Variants in ZFHX4 observed in about 807,000 individuals in gnomAD.
The protein encoded by ZFHX4 is zinc finger homeobox protein 4.
Under a neutral mutation model 267.6 loss-of-function variants are expected in ZFHX4, and 56 were observed. The ratio of observed to expected loss-of-function variants is 0.21; its 90% CI spans 0.17 to 0.26. ZFHX4 has a LOEUF of 0.26. Ranked by LOEUF, ZFHX4 falls within the 10% of genes least tolerant of loss-of-function variation. ZFHX4 has a pLI of 1.00. For missense variants in ZFHX4, 4,332 were observed against 4,420.0 expected (o/e 0.98, Z 0.56); for synonymous variants, 1,778 against 1,665.6 (o/e 1.07, Z -1.64).
Position 76,853,084 on chromosome 8 carries a change from C to T in ZFHX4, c.6163C>T (p.Pro2055Ser), listed in dbSNP as rs780240160. Residue 2055 changes from proline to serine, a missense_variant, in exon 10 of 11, where the codon CCC becomes TCC. Transcript: ENST00000651372. The stretch of plus-strand genomic sequence containing the variant: ...ACCACCTCCTCCTCCTCCTCCTCCT[C>T]CCCCCCCACCTCCTCCACCTTCTGC... ...PPPPPPPPPP[P>S]PPPPPPSAPP... 2.0e-6 allele frequency: 2 copies of T among 1,022,806 alleles called. No homozygotes were observed. The highest frequency in any genetic ancestry group is 2.3e-4 in the Middle Eastern group (1 of 4,340). 63.4% of individuals were successfully genotyped at this position (1,022,806 alleles called of 1,614,324 possible). A position where few individuals can be genotyped will look rare whatever the true frequency, so the allele number is the denominator to read the frequency against.
intron 3 of ZFHX4, among the ~76,000 whole-genome samples, chr8:76,728,318 G>A (rs1031205036): frequency 6.6e-6 from 1 of 152,114 alleles, no homozygotes; most frequent in Non-Finnish European, 1.5e-5. Flanking sequence ...GTAGGCCCTC[G>A]ATATTCTAGG....
At chr8:76,712,171 C>T (rs1184251643) in intron 3 of ZFHX4, among the ~76,000 whole-genome samples, 1 of 152,174 alleles carries the variant, frequency 6.6e-6, no homozygotes, top group East Asian at 1.9e-4. Context: ...CAAAGGAACA[C>T]ACTTGGGATT....
Position 76,855,203 on chromosome 8 carries a change from A to C in ZFHX4, c.8282A>C (p.Glu2761Ala), listed in dbSNP as rs1056018185. 4 of 1,612,970 alleles carry C rather than the reference A, an allele frequency of 2.5e-6. No individual in the cohort carries two copies. Among genetic ancestry groups the C allele is most frequent in the Non-Finnish European group, 3.4e-6 (4 of 1,179,534 alleles). ...TVSTPVSKTA[E>A]LSPKNLLSPS... ...TCAACACCTGTTAGTAAAACAGCAG[A>C]GCTGTCACCGAAGAATCTTTTAAGC... The change falls in exon 10 of 11, where the codon GAG becomes GCG. Residue 2761 changes from glutamate to alanine, a missense_variant. Glu to Ala is a moderately radical substitution (Grantham distance 107). Around this residue, in one of 7 missense-constraint regions of ZFHX4, gnomAD observed 1,648 missense variants for 1,625.0 expected, o/e 1.01. Transcript: ENST00000651372.
In ZFHX4 at chr8:76,706,154, G is replaced by A; in HGVS notation, c.2066G>A (p.Gly689Asp). 2 of 1,614,094 alleles carry A rather than the reference G, an allele frequency of 1.2e-6. No individual in the cohort carries two copies. The highest frequency in any genetic ancestry group is 1.7e-6 in the Non-Finnish European group (2 of 1,180,014). The change falls in exon 2 of 11, where the codon GGT becomes GAT. Residue 689 changes from glycine (G) to aspartate (D), a missense_variant. This residue lies in a region of ZFHX4 where 1,195 missense variants were observed against 1,173.6 expected (regional missense o/e 1.02). Coordinates refer to ENST00000651372, the MANE Select transcript of ZFHX4 (RefSeq NM_024721.5). The part of the protein sequence containing the change: ...TGQPHPRLAR[G>D]ESYTCGYKPF... ...CAGCCTCACCCCAGGCTTGCCCGGG[G>A]TGAGAGTTACACGTGTGGCTATAAA...
At chr8:76,802,024 G>T (rs1414127875) in intron 4 of ZFHX4, among the ~76,000 whole-genome samples, 1 of 152,142 alleles carries the variant, frequency 6.6e-6, no homozygotes, top group African/African-American at 2.4e-5. Flanking sequence ...GTATGAAAGC[G>T]TAATAGGCAT....
intron 4 of ZFHX4, among the ~76,000 whole-genome samples, chr8:76,806,779 G>T (rs1050232619): frequency 2.6e-4 from 39 of 152,090 alleles, no homozygotes; most frequent in Admixed American, 2.3e-3. Context: ...AAATGTTTTT[G>T]ATTTTTTTTG....
intron 3 of ZFHX4, among the ~76,000 whole-genome samples, chr8:76,744,307 C>T (rs1419736192): frequency 6.6e-6 from 1 of 152,122 alleles, no homozygotes; most frequent in Non-Finnish European, 1.5e-5. Flanking sequence ...GATCATGCCA[C>T]TGCACTTTAG....
At chr8:76,746,433 A>T (rs1809462128) in intron 3 of ZFHX4, among the ~76,000 whole-genome samples, 1 of 152,004 alleles carries the variant, frequency 6.6e-6, no homozygotes, top group South Asian at 2.1e-4. Flanking sequence ...AACAAGAAAT[A>T]TTTTTTTCTT....
intron 3 of ZFHX4, among the ~76,000 whole-genome samples, chr8:76,746,349 G>T (rs1809459650): frequency 6.6e-6 from 1 of 152,162 alleles, no homozygotes; most frequent in African/African-American, 2.4e-5. Context: ...AGGCTGCAGT[G>T]AGCTAAGATT....
rs539530956 is a variant in ZFHX4, at chr8:76,690,253, G to T, written c.-47+8633G>T. Reference sequence around the variant, plus strand: ...TTAACCAGGGAAAATTGACTTTCAGGTTAAAATATGCATTTTATAACTGCC... The same window carrying T: ...TTAACCAGGGAAAATTGACTTTCAGTTTAAAATATGCATTTTATAACTGCC... On this transcript the variant is annotated intron_variant, in intron 1 of 10. Transcript: ENST00000651372. Among the ~76,000 whole-genome samples, 7 of 152,082 alleles carry T rather than the reference G, an allele frequency of 4.6e-5. No individual in the cohort carries two copies. In the East Asian group the frequency reaches 1.4e-3, roughly 29 times the overall value.
At chr8:76,728,730 G>A (rs1006698441) in intron 3 of ZFHX4, among the ~76,000 whole-genome samples, 2 of 152,148 alleles carry the variant, frequency 1.3e-5, no homozygotes, top group African/African-American at 4.8e-5. Context: ...GGTTATTAGT[G>A]ACAACTAACA....
chr8:76,828,889 C>A (rs567768674), intron 4 of ZFHX4, among the ~76,000 whole-genome samples: 1 of 152,250 alleles, frequency 6.6e-6, no homozygotes, highest in Non-Finnish European at 1.5e-5. Context: ...TTAATATTTA[C>A]TCTGGTGGTA....
chr8:76,715,209 C>G (rs1420257474), intron 3 of ZFHX4, among the ~76,000 whole-genome samples: 4 of 151,948 alleles, frequency 2.6e-5, no homozygotes, highest in Admixed American at 6.6e-5. Context: ...ATAAAGAATG[C>G]AGGCCAGGCG....
intron 5 of ZFHX4, among the ~76,000 whole-genome samples, chr8:76,840,550 T>C (rs918118728): frequency 7.2e-5 from 11 of 152,214 alleles, no homozygotes; most frequent in Non-Finnish European, 1.5e-4. Flanking sequence ...GCTTTTCTTT[T>C]AGTGCCTTCA....
chr8:76,731,978 AC>A (rs1809026401), intron 3 of ZFHX4, among the ~76,000 whole-genome samples: 1 of 151,684 alleles, frequency 6.6e-6, no homozygotes, highest in South Asian at 2.1e-4. Flanking sequence ...AGTAACTGGG[AC>A]TACAGGTGTG....
intron 10 of ZFHX4, among the ~76,000 whole-genome samples, chr8:76,859,438 G>T (rs931994336): frequency 6.6e-6 from 1 of 152,018 alleles, no homozygotes; most frequent in Admixed American, 6.6e-5. Flanking sequence ...ATCAACGTAT[G>T]TTTATATACC....
intron 3 of ZFHX4, among the ~76,000 whole-genome samples, chr8:76,716,441 T>A (rs140983948): frequency 1.2e-4 from 18 of 152,296 alleles, no homozygotes; most frequent in Non-Finnish European, 2.2e-4. Flanking sequence ...CTCTGACATA[T>A]GAGGAAACAG....
chr8:76,704,664 C>T lies in ZFHX4; in HGVS notation c.576C>T (p.Ile192=), dbSNP rs1263475233. The change falls in exon 2 of 11, where the codon ATC becomes ATT. Residue 192 remains isoleucine (I), a synonymous_variant. Coordinates refer to ENST00000651372, the MANE Select transcript of ZFHX4 (RefSeq NM_024721.5). ...SAPMSFYPQI[I]NTFHIASSLG... ...CTATGTCGTTCTACCCACAGATCAT[C>T]AACACTTTTCATATCGCTTCATCCC... is the stretch of plus-strand genomic sequence containing the variant. 6.2e-7 allele frequency: 1 copy of T among 1,614,018 alleles called. No homozygotes were observed. Among genetic ancestry groups the T allele is most frequent in the Admixed American group, 1.7e-5 (1 of 60,024 alleles).
chr8:76,712,820 G>C (rs925346863), intron 3 of ZFHX4, among the ~76,000 whole-genome samples: 1 of 151,976 alleles, frequency 6.6e-6, no homozygotes, highest in Admixed American at 6.6e-5. Context: ...GAAATGCAGT[G>C]TGAAATTTAA....
Sources: allele counts gnomAD v4.1 joint callset (sites outside exome capture counted in the v4.1 genomes callset), GRCh38; gene constraint gnomAD v4.1.1; regional missense constraint gnomAD v4.1.1; transcripts MANE v1.5; gene names NCBI Gene and HGNC (gene_info 2026-07-23, HGNC 2026-07-21).